KRT17: variants seen among roughly 807,000 people sequenced by gnomAD.
The protein encoded by KRT17 is keratin 17, also known as keratin, type I cytoskeletal 17.
Under a neutral mutation model 45.6 loss-of-function variants are expected in KRT17, and 29 were observed. The observed-to-expected ratio is 0.64, with a 90% CI of 0.47 to 0.87. The LOEUF (loss-of-function observed/expected upper bound fraction) is 0.87, where lower values mean the gene tolerates loss of function less well. KRT17 is among the 40% of genes least tolerant of loss of function. The pLI is 0.00. For synonymous variants in KRT17, 219 were observed against 234.6 expected (o/e 0.93, Z 0.61); for missense variants, 536 against 577.8 (o/e 0.93, Z 0.74).
chr17:41,620,696 C>T lies in KRT17; in HGVS notation c.1144G>A (p.Ala382Thr), dbSNP rs1360166116. The T allele has an allele frequency of 6.2e-7, 1 of 1,612,180 alleles. No homozygotes were observed. The highest frequency in any genetic ancestry group is 1.7e-5 in the Admixed American group (1 of 60,022). Residue 382 changes from alanine (A) to threonine (T), a missense_variant, in exon 6 of 8, where the codon GCC becomes ACC. By Grantham distance (58) the Ala-to-Thr change is moderately conservative (BLOSUM62 0). Transcript: ENST00000311208. ...DVKTRLEQEI[A>T]TYRRLLEGED... ...CCCTCCAGCAGGCGGCGGTAGGTGG[C>T]AATCTCCTGCTCCAGCCGCGTCTTC...
rs1428672637 is a variant in KRT17 at position 41,619,507 on chromosome 17, G to A, written c.*87C>T. On this transcript the variant is annotated 3_prime_UTR_variant, in exon 8 of 8. Coordinates refer to ENST00000311208, the MANE Select transcript of KRT17 (RefSeq NM_000422.3). ...CATGGGGAAGGGACTGAAGCAGGGG[G>A]CTGAGGCTGGAGAGGCCGGAGACTG... 1.1e-5 allele frequency: 18 copies of A among 1,608,990 alleles called. No individual in the cohort carries two copies. Among genetic ancestry groups the A allele is most frequent in the Non-Finnish European group, 1.5e-5 (18 of 1,178,170 alleles).
chr17:41,620,325 G>C (rs1481009006), intron 7 of KRT17: 1 of 985,200 alleles, frequency 1.0e-6, no homozygotes, highest in Non-Finnish European at 1.2e-6. Flanking sequence ...GTAAGGACCA[G>C]TTCCCTGCCC....
chr17:41,622,385 C>G lies in KRT17; in HGVS notation c.642G>C (p.Glu214Asp), dbSNP rs1443692454. Residue 214 changes from glutamate (E) to aspartate (D), a missense_variant, in exon 3 of 8, where the codon GAG (glutamate) becomes GAC (aspartate). Physicochemically the swap from Glu to Asp is conservative, Grantham distance 45. Transcript: ENST00000311208. ...CGTGGTTCTTCTTCAGGTAGGCCAG[C>G]TCCTCCTTGAGGTTCTCAATCTGCA... The part of the protein sequence containing the change: ...LEMQIENLKE[E>D]LAYLKKNHEE... 3 of 1,613,758 alleles carry G rather than the reference C, an allele frequency of 1.9e-6. No individual in the cohort carries two copies. In the African/African-American group the frequency reaches 4.0e-5, roughly 22 times the overall value.
In KRT17 at chr17:41,620,775, C is replaced by A; in HGVS notation, c.1065G>T (p.Gln355His). The change falls in exon 6 of 8, where the codon CAG becomes CAT. Residue 355 changes from glutamine (Q) to histidine (H), a missense_variant. Gln to His is a conservative substitution (Grantham distance 24). Coordinates refer to ENST00000311208, the MANE Select transcript of KRT17 (RefSeq NM_000422.3). ...TCTGCTGCTCCATCTCGCAGCGAAG[C>A]TGGGCCAGCTGCTCCTCCACGCTGC... is the stretch of plus-strand genomic sequence containing the variant. The part of the protein sequence containing the change: ...LIGSVEEQLA[Q>H]LRCEMEQQNQ... 11 of 1,612,872 alleles carry A rather than the reference C, an allele frequency of 6.8e-6. No individual in the cohort carries two copies. Among genetic ancestry groups the A allele is most frequent in the Non-Finnish European group, 9.3e-6 (11 of 1,179,880 alleles).
At chr17:41,622,600 C>T in intron 2 of KRT17, 89 bp from the exon 3 acceptor site, 1 of 1,503,890 alleles carries the variant, frequency 6.6e-7, no homozygotes, top group Non-Finnish European at 9.2e-7. Context: ...TTTGCCAGGA[C>T]TCTAAGGAGT....
At position 41,621,015 on chromosome 17, in the gene KRT17, C is replaced by T. The variant is rs745317353; in HGVS notation, c.911G>A (p.Arg304Gln). The T allele has an allele frequency of 8.7e-6, 14 of 1,613,944 alleles. No individual in the cohort carries two copies. Among genetic ancestry groups the T allele is most frequent in the South Asian group, 4.4e-5 (4 of 91,078 alleles). The change falls in exon 5 of 8, where the codon CGG (arginine) becomes CAG (glutamine). Residue 304 changes from arginine (R) to glutamine (Q), a missense_variant. Transcript: ENST00000311208. ...QSGKSEISEL[R>Q]RTMQALEIEL... ...TATCTCCAAGGCCTGCATGGTGCGCCGGAGCTCCGAGATCTCACTCTTGCC... is the reference window on the plus strand; with the variant it reads ...TATCTCCAAGGCCTGCATGGTGCGCTGGAGCTCCGAGATCTCACTCTTGCC...
At chr17:41,619,889 G>A (rs947785100) in intron 7 of KRT17, 34 of 985,148 alleles carry the variant, frequency 3.5e-5, no homozygotes, top group Middle Eastern at 5.2e-4. Context: ...TCCCTCTGCC[G>A]GTGGCCCTGT....
At position 41,621,738 on chromosome 17, in the gene KRT17, C is replaced by G. The variant is rs137961542; in HGVS notation, c.689G>C (p.Arg230Pro). ...KNHEEEMNAL[R>P]GQVGGEINVE... The stretch of plus-strand genomic sequence containing the variant: ...ATTGATCTCACCACCCACCTGGCCT[C>G]GCAGGGCGTTCATCTCCTATGGAAA... The change falls in exon 4 of 8, where the codon CGA becomes CCA. Residue 230 changes from arginine to proline, a missense_variant. Coordinates refer to ENST00000311208, the MANE Select transcript of KRT17 (RefSeq NM_000422.3). The G allele has an allele frequency of 6.2e-7, 1 of 1,612,072 alleles. No homozygotes were observed. Among genetic ancestry groups the G allele is most frequent in the Non-Finnish European group, 8.5e-7 (1 of 1,179,852 alleles).
Position 41,619,621 on chromosome 17 carries a change from G to T in KRT17, c.1272C>A (p.Arg424=), listed in dbSNP as rs575174355. ...EVQDGKVISS[R]EQVHQTTR ...AGCGGGTGGTCTGGTGGACCTGCTC[G>T]CGGGAGGAGATGACCTTGCCATCCT... Residue 424 remains arginine (R), a synonymous_variant, in exon 8 of 8, where the codon CGC becomes CGA. Transcript: ENST00000311208. The T allele has an allele frequency of 3.7e-6, 6 of 1,612,082 alleles. No individual in the cohort carries two copies. The highest frequency in any genetic ancestry group is 1.3e-5 in the African/African-American group (1 of 74,856).
In KRT17 at chr17:41,624,325, C is replaced by A. The variant is rs1190242046; in HGVS notation, c.185G>T (p.Ser62Ile). 1 of 1,611,926 alleles carries A rather than the reference C, an allele frequency of 6.2e-7. No homozygotes were observed. The highest frequency in any genetic ancestry group is 1.3e-5 in the African/African-American group (1 of 74,868). ...GCCATAGCCACCACCAGAGCCAAAG[C>A]TGTAGCAGCTGGAGTAGCTGCTACC... ...LGGSSYSSCY[S>I]FGSGGGYGSS... Residue 62 changes from serine (S) to isoleucine (I), a missense_variant, in exon 1 of 8, where the codon AGC becomes ATC. Physicochemically the swap from Ser to Ile is moderately radical, Grantham distance 142 (BLOSUM62 -2). Transcript: ENST00000311208.
At position 41,621,736 on chromosome 17, in the gene KRT17, C is replaced by A; in HGVS notation, c.691G>T (p.Gly231Cys). The change falls in exon 4 of 8, where the codon GGC (glycine) becomes TGC (cysteine). Residue 231 changes from glycine (G) to cysteine (C), a missense_variant. Transcript: ENST00000311208. Reference sequence around the variant, plus strand: ...ACATTGATCTCACCACCCACCTGGCCTCGCAGGGCGTTCATCTCCTATGGA... The same window carrying A: ...ACATTGATCTCACCACCCACCTGGCATCGCAGGGCGTTCATCTCCTATGGA... ...NHEEEMNALR[G>C]QVGGEINVEM... The A allele has an allele frequency of 1.2e-6, 2 of 1,612,080 alleles. 1 individual carries two copies. The highest frequency in any genetic ancestry group is 1.7e-6 in the Non-Finnish European group (2 of 1,179,864).
intron 1 of KRT17, 33 bp from the exon 2 acceptor site, chr17:41,623,065 A>C: frequency 6.5e-7 from 1 of 1,543,270 alleles, no homozygotes; most frequent in Non-Finnish European, 9.0e-7. Flanking sequence ...AGGTCATTGG[A>C]TGGGGGTGGC....
In KRT17 at chr17:41,619,625, G is replaced by A; in HGVS notation, c.1268C>T (p.Ser423Phe). The change falls in exon 8 of 8, where the codon TCC becomes TTC. Residue 423 changes from serine to phenylalanine, a missense_variant. Physicochemically the swap from Ser to Phe is radical, Grantham distance 155. Coordinates refer to ENST00000311208, the MANE Select transcript of KRT17 (RefSeq NM_000422.3). ...GGTGGTCTGGTGGACCTGCTCGCGG[G>A]AGGAGATGACCTTGCCATCCTGGAC... is the stretch of plus-strand genomic sequence containing the variant. ...EEVQDGKVIS[S>F]REQVHQTTR The A allele has an allele frequency of 3.7e-6, 6 of 1,612,174 alleles. No homozygotes were observed. The highest frequency in any genetic ancestry group is 4.2e-6 in the Non-Finnish European group (5 of 1,180,000).
rs1908574651 is a variant in KRT17, at chr17:41,622,446, A to G, written c.581T>C (p.Leu194Pro). 5 of 1,613,958 alleles carry G rather than the reference A, an allele frequency of 3.1e-6. No individual in the cohort carries two copies. Among genetic ancestry groups the G allele is most frequent in the Admixed American group, 1.7e-5 (1 of 60,014 alleles). ...GGCTCTGGCCAGGGTCAGCTCATCC[A>G]GCACCCTGCGCAGGCCATTGATGTC... ...EADINGLRRV[L>P]DELTLARADL... Residue 194 changes from leucine to proline, a missense_variant, in exon 3 of 8, where the codon CTG becomes CCG. Transcript: ENST00000311208.
chr17:41,622,646 T>A, intron 2 of KRT17, 135 bp from the exon 3 acceptor site: 3 of 1,084,852 alleles, frequency 2.8e-6, no homozygotes, highest in Non-Finnish European at 1.4e-6. Context: ...TGGAAACGAA[T>A]TCCAGCCCCG....
chr17:41,619,454 C>A lies in KRT17; in HGVS notation c.*140G>T. The A allele has an allele frequency of 6.7e-7, 1 of 1,490,152 alleles. No homozygotes were observed. Among genetic ancestry groups the A allele is most frequent in the South Asian group, 1.2e-5 (1 of 80,638 alleles). The allele number at this position is 1,490,152 out of a possible 1,614,324, so 92.3% of individuals were successfully genotyped here. On this transcript the variant is annotated 3_prime_UTR_variant, in exon 8 of 8. Coordinates refer to ENST00000311208, the MANE Select transcript of KRT17 (RefSeq NM_000422.3). ...AGGACACATTTCATAGCTGAGTCAACAAGCTTTATTGTCATCAGGCAAGGA... is the reference window on the plus strand; with the variant it reads ...AGGACACATTTCATAGCTGAGTCAAAAAGCTTTATTGTCATCAGGCAAGGA...
chr17:41,622,585 T>A (rs1484102883), intron 2 of KRT17, 74 bp from the exon 3 acceptor site: 1 of 1,558,230 alleles, frequency 6.4e-7, no homozygotes, highest in African/African-American at 1.4e-5. Context: ...CTCACCTGCC[T>A]TCATTTTGCC....
At chr17:41,621,464 G>T in intron 4 of KRT17, 129 bp downstream of exon 4, 1 of 1,138,904 alleles carries the variant, frequency 8.8e-7, no homozygotes, top group Non-Finnish European at 1.3e-6. Context: ...TGCAGTGGGT[G>T]ACCCTGTGGT....
chr17:41,621,854 C>T lies in KRT17; in HGVS notation c.673-100G>A, dbSNP rs551079678. ...GGGGACCCCACTTCCCACAAGGACC[C>T]CTCCTTTGTTCTCCCTCTGCTCTAT... On this transcript the variant is annotated intron_variant, in intron 3 of 7. Coordinates refer to ENST00000311208, the MANE Select transcript of KRT17 (RefSeq NM_000422.3). 422 of 1,335,390 alleles carry T rather than the reference C, an allele frequency of 3.2e-4. No individual in the cohort carries two copies. The African/African-American group carries it at 5.7e-3, about 18-fold the overall frequency. 82.7% of individuals were successfully genotyped at this position (1,335,390 alleles called of 1,614,324 possible). A position where few individuals can be genotyped will look rare whatever the true frequency, so the allele number is the denominator to read the frequency against.
Sources: gnomAD v4.1 joint callset for allele counts on GRCh38, gnomAD v4.1.1 for gene constraint, MANE v1.5 for transcripts, NCBI Gene and HGNC (gene_info 2026-07-23, HGNC 2026-07-21) for gene names.